Variants in USP30 observed in about 807,000 individuals in gnomAD.
USP30 encodes ubiquitin specific peptidase 30, also known as ubiquitin carboxyl-terminal hydrolase 30.
In USP30, 41 loss-of-function variants were observed where a neutral mutation model predicts 68.2. The observed-to-expected ratio is 0.60, with a 90% confidence interval of 0.47 to 0.78. USP30 has a LOEUF of 0.78. Ranked by LOEUF, USP30 falls within the 30% of genes least tolerant of loss-of-function variation. The pLI is 0.00. For missense variants in USP30, 522 were observed against 649.4 expected (o/e 0.80, Z 2.13); for synonymous variants, 229 against 253.7 (o/e 0.90, Z 0.93).
chr12:109,031,803 C>T (rs1046241105), intron 3 of USP30, among the ~76,000 whole-genome samples: 2 of 152,108 alleles, frequency 1.3e-5, no homozygotes, highest in Non-Finnish European at 2.9e-5. Context: ...AGTAGTCACT[C>T]ATAGAAACAG....
intron 4 of USP30, among the ~76,000 whole-genome samples, chr12:109,068,226 G>GA (rs1306423078): frequency 1.3e-5 from 2 of 152,146 alleles, no homozygotes; most frequent in Non-Finnish European, 2.9e-5. Context: ...TTCTAGAGAT[G>GA]AAAAAATCTA....
chr12:109,034,501 A>G (rs925598504), intron 3 of USP30, among the ~76,000 whole-genome samples: 4 of 152,112 alleles, frequency 2.6e-5, no homozygotes, highest in Admixed American at 6.6e-5. Flanking sequence ...CTGAGGTGGG[A>G]GGATCGCTTG....
At chr12:109,069,654 A>G (rs1233946769) in intron 4 of USP30, among the ~76,000 whole-genome samples, 2 of 152,164 alleles carry the variant, frequency 1.3e-5, no homozygotes, top group African/African-American at 4.8e-5. Flanking sequence ...CTGGTATTCC[A>G]GTGGGGGATG....
At chr12:109,074,931 T>C (rs1415142371) in intron 7 of USP30, among the ~76,000 whole-genome samples, 1 of 152,210 alleles carries the variant, frequency 6.6e-6, no homozygotes, top group Non-Finnish European at 1.5e-5. Context: ...TGAGTTTGAC[T>C]TTTCTAGATT....
chr12:109,043,863 G>T (rs1390625741), intron 3 of USP30, among the ~76,000 whole-genome samples: 1 of 152,014 alleles, frequency 6.6e-6, no homozygotes, highest in African/African-American at 2.4e-5. Flanking sequence ...TTTCAGGTTG[G>T]GTACATATCC....
chr12:109,082,896 C>A lies in USP30; in HGVS notation c.1002C>A (p.Gly334=), dbSNP rs139278674. 87 of 1,614,116 alleles carry A rather than the reference C, an allele frequency of 5.4e-5. No homozygotes were observed. The highest frequency in any genetic ancestry group is 6.9e-5 in the Non-Finnish European group (82 of 1,180,042). The part of the protein sequence containing the change: ...HLQRLSWSSH[G]TPLKRHEHVQ... ...AGCGGCTGAGCTGGTCCAGCCACGG[C>A]ACGCCTCTGAAGCGGCATGAGCACG... The change falls in exon 11 of 13, where the codon GGC becomes GGA. Residue 334 remains glycine (G), a synonymous_variant. Coordinates refer to ENST00000257548, the MANE Select transcript of USP30 (RefSeq NM_032663.5).
rs2041705439 is a variant in USP30 at position 109,079,205 on chromosome 12, G to A, written c.721-2129G>A. ...TTTTTCACTTGTTATTTTACTTAAT[G>A]TTGGCCCACAGGTCACTGAGGTCTT... On this transcript the variant is annotated intron_variant, in intron 7 of 12. Transcript: ENST00000257548. Among the ~76,000 whole-genome samples, 9 of 151,666 alleles carry A rather than the reference G, an allele frequency of 5.9e-5. No homozygotes were observed. The South Asian group carries it at 1.9e-3, about 32-fold the overall frequency.
At chr12:109,044,977 AG>A (rs1451101382) in intron 3 of USP30, among the ~76,000 whole-genome samples, 1 of 149,120 alleles carries the variant, frequency 6.7e-6, no homozygotes, top group Non-Finnish European at 1.5e-5. Flanking sequence ...TTACCAAGTA[AG>A]GTCAAACATC....
intron 7 of USP30, 125 bp downstream of exon 7, chr12:109,073,657 C>G (rs998100574): frequency 1.1e-4 from 84 of 783,484 alleles, no homozygotes; most frequent in Non-Finnish European, 1.5e-4. Flanking sequence ...CCTCTGCACA[C>G]TAGTGGACTG....
At chr12:109,065,692 C>G (rs2041227302) in intron 3 of USP30, among the ~76,000 whole-genome samples, 1 of 152,214 alleles carries the variant, frequency 6.6e-6, no homozygotes, top group African/African-American at 2.4e-5. Context: ...TCACAAGGAT[C>G]TCTATCTCCA....
intron 3 of USP30, among the ~76,000 whole-genome samples, chr12:109,045,591 C>T (rs751274535): frequency 2.6e-5 from 4 of 152,202 alleles, no homozygotes; most frequent in Non-Finnish European, 4.4e-5. Context: ...AGTCAATTCA[C>T]TTCTCCGGGC....
chr12:109,042,845 G>GAA (rs1265530570), intron 3 of USP30, among the ~76,000 whole-genome samples: 1 of 152,106 alleles, frequency 6.6e-6, no homozygotes, highest in Non-Finnish European at 1.5e-5. Context: ...TTCATATGCA[G>GAA]AAAACCTTAA....
chr12:109,080,015 C>T (rs2041747681), intron 7 of USP30, among the ~76,000 whole-genome samples: 1 of 152,210 alleles, frequency 6.6e-6, no homozygotes, highest in Non-Finnish European at 1.5e-5. Context: ...TGGCTGGGCT[C>T]AAACTCAACT....
intron 2 of USP30, among the ~76,000 whole-genome samples, chr12:109,025,799 C>G (rs1411944214): frequency 6.6e-6 from 1 of 151,890 alleles, no homozygotes; most frequent in Non-Finnish European, 1.5e-5. Context: ...GCGATTCTCC[C>G]ACCTCAGCCT....
In USP30 at chr12:109,055,394, ATATATATTTTT is replaced by A. The variant is rs1179873581; in HGVS notation, c.84-1286_84-1276del. On this transcript the variant is annotated intron_variant, in intron 1 of 12. Coordinates refer to ENST00000257548, the MANE Select transcript of USP30 (RefSeq NM_032663.5). ...CATATATATACATATATATATATAT[ATATATATTTTT>A]TTTTTTTTTTTTTTTGAGGCAGAGT... 2.2e-3 allele frequency among the ~76,000 whole-genome samples: 108 copies of A among 49,078 alleles called. 2 individuals are homozygous for A. Among genetic ancestry groups the A allele is most frequent in the African/African-American group, 7.4e-3 (97 of 13,146 alleles). 32.2% of individuals were successfully genotyped at this position (49,078 alleles called of 152,430 possible). A position where few individuals can be genotyped will look rare whatever the true frequency, so the allele number is the denominator to read the frequency against.
rs2041803374 is a variant in USP30, at chr12:109,081,626, CA to C, written c.780+234del. ...GAATACACACGCACGCATGCGCGCA[CA>C]CACACACACACACACACACACACAC... On this transcript the variant is annotated intron_variant, in intron 8 of 12. Coordinates refer to ENST00000257548, the MANE Select transcript of USP30 (RefSeq NM_032663.5). 46 of 110,028 alleles carry C rather than the reference CA, an allele frequency of 4.2e-4. No homozygotes were observed. In the East Asian group the frequency reaches 7.9e-3, roughly 19 times the overall value. The allele number at this position is 110,028 out of a possible 1,614,324, so 6.8% of individuals were successfully genotyped here.
intron 3 of USP30, among the ~76,000 whole-genome samples, chr12:109,032,467 A>C (rs1197126616): frequency 1.3e-5 from 2 of 152,272 alleles, no homozygotes; most frequent in Non-Finnish European, 2.9e-5. Flanking sequence ...TCAATAAAAA[A>C]GAAATGCAGT....
rs757224501 is a variant in USP30, at chr12:109,082,039, TGTC to T, written c.867+21_867+23del. The T allele has an allele frequency of 2.5e-6, 4 of 1,613,454 alleles. No individual in the cohort carries two copies. Among genetic ancestry groups the T allele is most frequent in the Non-Finnish European group, 2.5e-6 (3 of 1,179,412 alleles). On this transcript the variant is annotated intron_variant, in intron 9 of 12. Transcript: ENST00000257548. ...ACAAAGGTATGCATTGAACCCCAAA[TGTC>T]ATCGCCAGCTGGCCTGTGTGTGCTG...
Position 109,082,982 on chromosome 12 carries a change from C to G in USP30, c.1088C>G (p.Pro363Arg). 2 of 1,614,218 alleles carry G rather than the reference C, an allele frequency of 1.2e-6. No homozygotes were observed. The highest frequency in any genetic ancestry group is 1.7e-6 in the Non-Finnish European group (2 of 1,180,024). ...IYKYHLLGHK[P>R]SQHNPKLNKN... The stretch of plus-strand genomic sequence containing the variant: ...AAGTACCACCTCCTTGGACATAAAC[C>G]TAGTCAACACAACCCTAAACTGAAC... The change falls in exon 11 of 13, where the codon CCT (proline) becomes CGT (arginine). Residue 363 changes from proline to arginine, a missense_variant. Transcript: ENST00000257548.
Sources: gnomAD v4.1 joint callset for allele counts (sites outside exome capture counted in the v4.1 genomes callset) on GRCh38, gnomAD v4.1.1 for gene constraint, MANE v1.5 for transcripts, NCBI Gene and HGNC (gene_info 2026-07-23, HGNC 2026-07-21) for gene names.